The following COL15A1 variants were observed in gnomAD, a reference collection of about 807,000 sequenced individuals.
The protein encoded by COL15A1 is collagen type XV alpha 1 chain.
COL15A1 carries 111 observed loss-of-function variants against 165.9 expected under a neutral mutation model. The ratio of observed to expected loss-of-function variants is 0.67; its 90% CI spans 0.57 to 0.78. COL15A1 has a LOEUF of 0.78. COL15A1 is among the 30% of genes least tolerant of loss of function. The pLI is 0.00. For missense variants in COL15A1, 1,745 were observed against 1,789.7 expected (o/e 0.98, Z 0.45); for synonymous variants, 659 against 674.8 (o/e 0.98, Z 0.36).
intron 9 of COL15A1, among the ~76,000 whole-genome samples, chr9:99,009,393 T>A (rs1206423813): frequency 6.6e-6 from 1 of 152,258 alleles, no homozygotes; most frequent in African/African-American, 2.4e-5. Flanking sequence ...CACATTTATG[T>A]AAATATAATC....
intron 9 of COL15A1, among the ~76,000 whole-genome samples, chr9:99,005,346 G>A (rs60062000): frequency 0.27 from 40,561 of 151,930 alleles, 5,849 homozygotes; most frequent in East Asian, 0.57. Flanking sequence ...CAGAATGGAG[G>A]AGTGGCGGGC....
chr9:99,048,177 C>T lies in COL15A1; in HGVS notation c.2793+177C>T, dbSNP rs530281868. Among the ~76,000 whole-genome samples the T allele has an allele frequency of 2.6e-5, 4 of 152,282 alleles. No individual in the cohort carries two copies. In the East Asian group the frequency reaches 7.7e-4, roughly 29 times the overall value. On this transcript the variant is annotated intron_variant, in intron 28 of 41. Coordinates refer to ENST00000375001, the MANE Select transcript of COL15A1 (RefSeq NM_001855.5). ...TCCTTCAGCTCCCTCTCAGGAGGGT[C>T]CTGCCACCTAAAACACCTTAGTGGA...
At chr9:98,950,803 C>A (rs909864143) in intron 2 of COL15A1, among the ~76,000 whole-genome samples, 14 of 152,066 alleles carry the variant, frequency 9.2e-5, no homozygotes, top group African/African-American at 3.4e-4. Context: ...TACAGTTTCA[C>A]CATATTGGTC....
chr9:98,980,266 G>A (rs1258734007), intron 2 of COL15A1, among the ~76,000 whole-genome samples: 1 of 152,218 alleles, frequency 6.6e-6, no homozygotes, highest in Non-Finnish European at 1.5e-5. Context: ...ATGGCCCAGT[G>A]GGAAGAGAGG....
intron 24 of COL15A1, among the ~76,000 whole-genome samples, chr9:99,043,007 A>G (rs1362895818): frequency 6.6e-6 from 1 of 152,214 alleles, no homozygotes; most frequent in African/African-American, 2.4e-5. Flanking sequence ...AGATATGCAA[A>G]GAGCTAACAG....
At position 99,068,564 on chromosome 9, in the gene COL15A1, C is replaced by G. The variant is rs1288165426; in HGVS notation, c.3847C>G (p.Leu1283Val). The change falls in exon 41 of 42, where the codon CTT becomes GTT. Residue 1283 changes from leucine (L) to valine (V), a missense_variant. Leu to Val is a conservative substitution (Grantham distance 32). Coordinates refer to ENST00000375001, the MANE Select transcript of COL15A1 (RefSeq NM_001855.5). ...LPIVNLKGQV[L>V]FNNWDSIFSG... ...TATTTTGTCTCTATAGGGCCAAGTA[C>G]TTTTTAATAATTGGGACTCAATTTT... is the stretch of plus-strand genomic sequence containing the variant. The G allele has an allele frequency of 3.3e-6, 5 of 1,505,204 alleles. No homozygotes were observed. In the South Asian group the frequency reaches 6.6e-5, roughly 20 times the overall value. The allele number at this position is 1,505,204 out of a possible 1,614,324, so 93.2% of individuals were successfully genotyped here.
At chr9:99,044,290 C>T (rs889273161) in intron 24 of COL15A1, among the ~76,000 whole-genome samples, 1 of 152,106 alleles carries the variant, frequency 6.6e-6, no homozygotes, top group African/African-American at 2.4e-5. Context: ...GCATGGAAGA[C>T]AGGACTGTCC....
chr9:98,975,072 A>G (rs1838121336), intron 2 of COL15A1, among the ~76,000 whole-genome samples: 1 of 152,218 alleles, frequency 6.6e-6, no homozygotes, highest in African/African-American at 2.4e-5. Context: ...GTGGAAGCGC[A>G]GTTCCCGTAG....
At position 99,040,521 on chromosome 9, in the gene COL15A1, G is replaced by A; in HGVS notation, c.2476G>A (p.Gly826Arg). 1 of 1,614,130 alleles carries A rather than the reference G, an allele frequency of 6.2e-7. No individual in the cohort carries two copies. Among genetic ancestry groups the A allele is most frequent in the Non-Finnish European group, 8.5e-7 (1 of 1,180,034 alleles). Residue 826 changes from glycine (G) to arginine (R), a missense_variant and splice_region_variant, in exon 23 of 42, where the codon GGG (glycine) becomes AGG (arginine). Gly to Arg is a moderately radical substitution (Grantham distance 125). Coordinates refer to ENST00000375001, the MANE Select transcript of COL15A1 (RefSeq NM_001855.5). ...SDIPELVGPP[G>R]PDGLPGLPGF... is the part of the protein sequence containing the mutation. ...GTGCTCTATCTTTGGTGTGTCACAG[G>A]GGCCGGACGGGTTGCCTGGGCTGCC...
chr9:98,959,325 G>A (rs1007195004), intron 2 of COL15A1, among the ~76,000 whole-genome samples: 9 of 151,146 alleles, frequency 6.0e-5, no homozygotes, highest in East Asian at 5.8e-4. Context: ...CAGGAGGATC[G>A]ATCACTTGAG....
At chr9:99,021,218 C>T (rs756110154) in intron 12 of COL15A1, among the ~76,000 whole-genome samples, 3 of 152,294 alleles carry the variant, frequency 2.0e-5, no homozygotes, top group South Asian at 2.1e-4. Context: ...GCACAGAGGC[C>T]GTTCCTTGCA....
chr9:99,002,797 C>T (rs1418441083), intron 7 of COL15A1, among the ~76,000 whole-genome samples: 1 of 152,180 alleles, frequency 6.6e-6, no homozygotes, highest in Non-Finnish European at 1.5e-5. Flanking sequence ...CTGAGAAATC[C>T]TGCAGCAAGG....
chr9:99,004,945 C>A lies in COL15A1; in HGVS notation c.1248C>A (p.Ala416=). 6.2e-7 allele frequency: 1 copy of A among 1,613,996 alleles called. No individual in the cohort carries two copies. The highest frequency in any genetic ancestry group is 1.1e-5 in the South Asian group (1 of 91,066). ...ERLAATAAGE[A]EALASMPGEV... ...TAGCAGCAACAGCAGCAGGGGAGGC[C>A]GAGGCACTCGCCAGCATGCCTGGGG... The change falls in exon 9 of 42, where the codon GCC becomes GCA. Residue 416 remains alanine (A), a synonymous_variant. Transcript: ENST00000375001.
chr9:99,021,244 G>T (rs564516153), intron 12 of COL15A1, among the ~76,000 whole-genome samples: 2 of 152,148 alleles, frequency 1.3e-5, no homozygotes, highest in Non-Finnish European at 2.9e-5. Flanking sequence ...TGATGCTCCC[G>T]TCCTGGGGCC....
chr9:99,044,755 A>G lies in COL15A1; in HGVS notation c.2664A>G (p.Gly888=), dbSNP rs1839467819. 6.2e-7 allele frequency: 1 copy of G among 1,613,756 alleles called. No individual in the cohort carries two copies. Among genetic ancestry groups the G allele is most frequent in the Non-Finnish European group, 8.5e-7 (1 of 1,179,770 alleles). ...MGKKGEPGMH[G]APGPMGPKGP... The stretch of plus-strand genomic sequence containing the variant: ...TTTAGGGTGAACCTGGAATGCATGG[A>G]GCCCCAGGACCAATGGTAAGTCAGA... The change falls in exon 26 of 42, where the codon GGA becomes GGG. Residue 888 remains glycine (G), a synonymous_variant. Coordinates refer to ENST00000375001, the MANE Select transcript of COL15A1 (RefSeq NM_001855.5).
At chr9:99,049,919 A>G (rs1588533886) in intron 30 of COL15A1, 24 bp downstream of exon 30, 1 of 1,614,228 alleles carries the variant, frequency 6.2e-7, no homozygotes, top group Non-Finnish European at 8.5e-7. Context: ...ACTGCCTTAA[A>G]GAGCAGGCTT....
At chr9:99,066,853 A>T (rs116994320) in intron 39 of COL15A1, 29 bp from the exon 40 acceptor site, 26,703 of 1,594,128 alleles carry the variant, frequency 0.017, 287 homozygotes, top group Non-Finnish European at 0.02. Flanking sequence ...TTTGATTCTG[A>T]CTGCTCTCTT....
chr9:98,987,029 T>G (rs1838327042), intron 3 of COL15A1, among the ~76,000 whole-genome samples: 1 of 152,134 alleles, frequency 6.6e-6, no homozygotes, highest in African/African-American at 2.4e-5. Flanking sequence ...GACAGGAGGC[T>G]GCTGTGGTGT....
At chr9:98,971,150 C>T (rs1199720977) in intron 2 of COL15A1, among the ~76,000 whole-genome samples, 2 of 152,226 alleles carry the variant, frequency 1.3e-5, no homozygotes, top group Admixed American at 6.5e-5. Flanking sequence ...TATGTGTCTA[C>T]ACTGGCCCTG....
Sources: allele counts gnomAD v4.1 joint callset (sites outside exome capture counted in the v4.1 genomes callset), GRCh38; gene constraint gnomAD v4.1.1; transcripts MANE v1.5; gene names NCBI Gene and HGNC (gene_info 2026-07-23, HGNC 2026-07-21).